Variants in FAM20A observed in about 807,000 individuals in gnomAD.
FAM20A encodes FAM20A golgi associated secretory pathway pseudokinase.
A neutral mutation model predicts 52.0 loss-of-function variants in FAM20A; 42 were observed. The ratio of observed to expected loss-of-function variants is 0.81; its 90% confidence interval spans 0.63 to 1.04. The LOEUF is 1.04. Ranked by LOEUF, FAM20A falls within the 50% of genes least tolerant of loss-of-function variation. The probability of loss-of-function intolerance (pLI) is 0.00; values close to 1 mark genes in which losing one functional copy is unlikely to be tolerated. For missense variants in FAM20A, 742 were observed against 712.7 expected (o/e 1.04, Z -0.47); for synonymous variants, 304 against 298.9 (o/e 1.02, Z -0.18).
chr17:68,561,459 T>C (rs760936225), intron 1 of FAM20A, among the ~76,000 whole-genome samples: 3 of 152,214 alleles, frequency 2.0e-5, no homozygotes, highest in African/African-American at 4.8e-5. Flanking sequence ...TTTCCATTTG[T>C]ATTTGGGTCT....
chr17:68,543,582 G>T, intron 5 of FAM20A, 47 bp downstream of exon 5: 1 of 1,551,134 alleles, frequency 6.4e-7, no homozygotes, highest in Non-Finnish European at 8.9e-7. Flanking sequence ...CCCTCCCAGA[G>T]GATTGGTCCT....
chr17:68,571,985 T>TACATACACAC (rs1351219052), intron 1 of FAM20A, among the ~76,000 whole-genome samples: 10 of 42,580 alleles, frequency 2.3e-4, no homozygotes, highest in African/African-American at 1.1e-3. Context: ...TGTATATACA[T>TACATACACAC]ACATATATAT....
At chr17:68,571,278 T>C (rs1322504634) in intron 1 of FAM20A, among the ~76,000 whole-genome samples, 1 of 152,236 alleles carries the variant, frequency 6.6e-6, no homozygotes, top group East Asian at 1.9e-4. Context: ...GGATCTACCC[T>C]GGATTTCTTT....
chr17:68,537,047 A>G lies in FAM20A; in HGVS notation c.*430T>C, dbSNP rs760322499. The G allele has an allele frequency of 2.2e-6, 1 of 456,560 alleles. No homozygotes were observed. The highest frequency in any genetic ancestry group is 4.4e-6 in the Non-Finnish European group (1 of 228,564). The allele number at this position is 456,560 out of a possible 1,614,324, so 28.3% of individuals were successfully genotyped here. A position where few individuals can be genotyped will look rare whatever the true frequency, so the allele number is the denominator to read the frequency against. ...AGTGCAGATTTTTAGTCAGCTTGTG[A>G]TAGGCCAGGTGTTTTGTCTGGACCA... On this transcript the variant is annotated 3_prime_UTR_variant, in exon 11 of 11. Transcript: ENST00000592554. This position sits in a 1 kb window ranked among gnomAD's most constrained non-coding sequence, Gnocchi z 4.2.
chr17:68,539,817 G>A (rs893266607), intron 9 of FAM20A, 68 bp downstream of exon 9: 22 of 1,501,714 alleles, frequency 1.5e-5, no homozygotes, highest in Admixed American at 5.2e-5. Context: ...TGTTTCCCCC[G>A]AGCAGCTGGC....
chr17:68,540,635 G>A (rs1164257715), intron 8 of FAM20A: 1 of 666,050 alleles, frequency 1.5e-6, no homozygotes, highest in Non-Finnish European at 2.7e-6. Flanking sequence ...CCTGCCTTAT[G>A]AGTGACGACC....
At chr17:68,553,369 C>T (rs1464763077) in intron 3 of FAM20A, among the ~76,000 whole-genome samples, 2 of 152,156 alleles carry the variant, frequency 1.3e-5, no homozygotes, top group Admixed American at 1.3e-4. Context: ...TCAGGCATTT[C>T]TTAAGAGCAG....
chr17:68,540,561 C>T (rs1453121897), intron 8 of FAM20A: 3 of 531,110 alleles, frequency 5.6e-6, no homozygotes, highest in Non-Finnish European at 1.1e-5. Context: ...TTTCCCCTCA[C>T]TTGGTGAAGT....
In FAM20A at chr17:68,539,980, G is replaced by A; in HGVS notation, c.1220-14C>T. The stretch of plus-strand genomic sequence containing the variant: ...GGTCCATATTCCCTGTGAAGGAGGG[G>A]AGGACTTAGCTGGAACCAGCAGGCC... On this transcript the variant is annotated splice_polypyrimidine_tract_variant and intron_variant, in intron 8 of 10. Transcript: ENST00000592554. 1.2e-6 allele frequency: 2 copies of A among 1,613,518 alleles called. No individual in the cohort carries two copies. Among genetic ancestry groups the A allele is most frequent in the Non-Finnish European group, 1.7e-6 (2 of 1,179,518 alleles).
At chr17:68,575,819 C>CACACACACACACACACACAA (rs1161315908) in intron 1 of FAM20A, among the ~76,000 whole-genome samples, 14 of 135,176 alleles carry the variant, frequency 1.0e-4, no homozygotes, top group Non-Finnish European at 1.9e-4. Flanking sequence ...CACACACACA[C>CACACACACACACACACACAA]ACACACACAC....
Position 68,543,652 on chromosome 17 carries a change from C to G in FAM20A, c.789G>C (p.Glu263Asp). 6.2e-7 allele frequency: 1 copy of G among 1,614,172 alleles called. No homozygotes were observed. The highest frequency in any genetic ancestry group is 1.1e-5 in the South Asian group (1 of 91,080). The change falls in exon 5 of 11, where the codon GAG (glutamate) becomes GAC (aspartate). Residue 263 changes from glutamate to aspartate, a missense_variant. Transcript: ENST00000592554. Reference protein sequence around the residue: ...YFIDFQRHNAEIAAFHLDRIL... With the variant: ...YFIDFQRHNADIAAFHLDRIL... ...ACCTGTCCAGATGGAAAGCTGCGATCTCAGCATTGTGTCTCTGAAAGTCAA... is the reference window on the plus strand; with the variant it reads ...ACCTGTCCAGATGGAAAGCTGCGATGTCAGCATTGTGTCTCTGAAAGTCAA...
At chr17:68,554,075 CACATATAT>C (rs1239528592) in intron 3 of FAM20A, among the ~76,000 whole-genome samples, 1 of 148,096 alleles carries the variant, frequency 6.8e-6, no homozygotes, top group Admixed American at 6.7e-5. Flanking sequence ...CACATATACA[CACATATAT>C]ACATATATAC....
intron 1 of FAM20A, among the ~76,000 whole-genome samples, chr17:68,592,509 C>T (rs1362137915): frequency 1.3e-5 from 2 of 152,190 alleles, no homozygotes; most frequent in Non-Finnish European, 2.9e-5. Context: ...TACCTACAAC[C>T]TGTGGAGCTC....
At position 68,590,872 on chromosome 17, in the gene FAM20A, T is replaced by G. The variant is rs558152435; in HGVS notation, c.404+9391A>C. 2.2e-4 allele frequency among the ~76,000 whole-genome samples: 34 copies of G among 152,286 alleles called. No homozygotes were observed. The East Asian group carries it at 6.2e-3, about 28-fold the overall frequency. Reference sequence around the variant, plus strand: ...TCAGTGATTGGTTGGACGGTGGGAATCAGCCTCCATCTGGGCCAACTGTAG... The same window carrying G: ...TCAGTGATTGGTTGGACGGTGGGAAGCAGCCTCCATCTGGGCCAACTGTAG... On this transcript the variant is annotated intron_variant, in intron 1 of 10. Transcript: ENST00000592554.
chr17:68,536,226 C>T lies in FAM20A; in HGVS notation c.*1251G>A. 2 of 454,126 alleles carry T rather than the reference C, an allele frequency of 4.4e-6. No homozygotes were observed. The highest frequency in any genetic ancestry group is 1.6e-5 in the South Asian group (1 of 64,478). The allele number at this position is 454,126 out of a possible 1,614,324, so 28.1% of individuals were successfully genotyped here. ...CTTGACCTTGTACTCTCTTTAGTGACAGCTCCATTCTATTCTCATGCTTAC... is the reference window on the plus strand; with the variant it reads ...CTTGACCTTGTACTCTCTTTAGTGATAGCTCCATTCTATTCTCATGCTTAC... On this transcript the variant is annotated 3_prime_UTR_variant, in exon 11 of 11. Transcript: ENST00000592554.
rs969566165 is a variant in FAM20A at position 68,588,244 on chromosome 17, C to A, written c.404+12019G>T. Among the ~76,000 whole-genome samples, 9 of 152,198 alleles carry A rather than the reference C, an allele frequency of 5.9e-5. 1 individual carries two copies. The highest frequency in any genetic ancestry group is 2.2e-4 in the African/African-American group (9 of 41,454). ...TTGCTTTAAGGAGAGGATCCAGGCT[C>A]CAGACTGTCTCATCTGGGAGGCAGA... On this transcript the variant is annotated intron_variant, in intron 1 of 10. Coordinates refer to ENST00000592554, the MANE Select transcript of FAM20A (RefSeq NM_017565.4).
At chr17:68,542,257 A>G in intron 6 of FAM20A, 92 bp from the exon 7 acceptor site, 1 of 1,392,162 alleles carries the variant, frequency 7.2e-7, no homozygotes, top group Non-Finnish European at 1.0e-6. Flanking sequence ...GAGGGAAGGG[A>G]AACCCTGAAC....
chr17:68,599,965 G>T (rs2088564554), intron 1 of FAM20A, among the ~76,000 whole-genome samples: 1 of 152,218 alleles, frequency 6.6e-6, no homozygotes, highest in Admixed American at 6.5e-5. Flanking sequence ...GAGGGAGCAG[G>T]AGTGGGGCTC....
intron 4 of FAM20A, among the ~76,000 whole-genome samples, chr17:68,545,561 C>T (rs1280092113): frequency 6.6e-6 from 1 of 152,198 alleles, no homozygotes; most frequent in Non-Finnish European, 1.5e-5. Flanking sequence ...AATCTTTTTG[C>T]TGACTGACTG....
Sources: gnomAD v4.1 joint callset for allele counts (sites outside exome capture counted in the v4.1 genomes callset) on GRCh38, gnomAD v4.1.1 for gene constraint, Gnocchi (gnomAD v3.1) non-coding constraint, MANE v1.5 for transcripts, NCBI Gene and HGNC (gene_info 2026-07-23, HGNC 2026-07-21) for gene names.